Variants in CTNND2 observed in about 807,000 individuals in gnomAD.
The protein encoded by CTNND2 is catenin delta-2.
In CTNND2, 22 loss-of-function variants were observed where a neutral mutation model predicts 144.4. The observed-to-expected ratio is 0.15, with a 90% CI of 0.11 to 0.22. CTNND2 has a LOEUF of 0.22. CTNND2 is among the 10% of genes least tolerant of loss of function. The pLI, the probability that CTNND2 is intolerant of heterozygous loss-of-function variation, is 1.00. For missense variants in CTNND2, 1,353 were observed against 1,618.8 expected (o/e 0.84, Z 2.82); for synonymous variants, 751 against 695.6 (o/e 1.08, Z -1.25).
intron 2 of CTNND2, among the ~76,000 whole-genome samples, chr5:11,626,904 C>T (rs1431892214): frequency 1.3e-5 from 2 of 152,084 alleles, no homozygotes; most frequent in Non-Finnish European, 2.9e-5. Flanking sequence ...CCAAATTGTT[C>T]TTATTTCTTC....
intron 1 of CTNND2, among the ~76,000 whole-genome samples, chr5:11,817,988 T>TC (rs1793089454): frequency 1.8e-5 from 1 of 54,166 alleles, no homozygotes; most frequent in South Asian, 1.2e-3. Flanking sequence ...GGTGTTTTTT[T>TC]TTTTTTTTTT....
chr5:11,649,674 T>TG (rs1369175809), intron 2 of CTNND2, among the ~76,000 whole-genome samples: 2 of 152,176 alleles, frequency 1.3e-5, no homozygotes, highest in Admixed American at 6.5e-5. Context: ...CAGACAAATT[T>TG]GGGGGGAACT....
chr5:11,540,697 A>G (rs925971630), intron 3 of CTNND2, among the ~76,000 whole-genome samples: 2 of 152,038 alleles, frequency 1.3e-5, no homozygotes, highest in African/African-American at 4.8e-5. Context: ...TTCAGTACAG[A>G]TGGGGTTTCA....
intron 9 of CTNND2, among the ~76,000 whole-genome samples, chr5:11,237,828 T>G (rs976304986): frequency 6.6e-6 from 1 of 152,216 alleles, no homozygotes; most frequent in African/African-American, 2.4e-5. Flanking sequence ...ATTATTATTT[T>G]TATTACTGTT....
chr5:11,644,131 A>T (rs1475931222), intron 2 of CTNND2, among the ~76,000 whole-genome samples: 1 of 152,148 alleles, frequency 6.6e-6, no homozygotes, highest in Non-Finnish European at 1.5e-5. Context: ...TCTTCTCCAC[A>T]GTGGGAGAGT....
intron 1 of CTNND2, among the ~76,000 whole-genome samples, chr5:11,894,670 C>T (rs1049580688): frequency 1.3e-5 from 2 of 152,150 alleles, no homozygotes; most frequent in East Asian, 3.9e-4. Flanking sequence ...TAAATTATCA[C>T]AGCACATTCA....
chr5:11,767,211 T>C (rs1789646475), intron 1 of CTNND2, among the ~76,000 whole-genome samples: 1 of 152,206 alleles, frequency 6.6e-6, no homozygotes, highest in African/African-American at 2.4e-5. Flanking sequence ...TCTCCTAGAA[T>C]TGAGTAATGT....
At chr5:11,081,389 C>T (rs1458216238) in intron 16 of CTNND2, among the ~76,000 whole-genome samples, 1 of 152,210 alleles carries the variant, frequency 6.6e-6, no homozygotes, top group Non-Finnish European at 1.5e-5. Context: ...AATCAGTTCA[C>T]ATTGTATGCA....
At chr5:11,013,547 A>G (rs1394672704) in intron 18 of CTNND2, among the ~76,000 whole-genome samples, 1 of 152,222 alleles carries the variant, frequency 6.6e-6, no homozygotes, top group African/African-American at 2.4e-5. Flanking sequence ...CAGGAAGGCT[A>G]TTGCAGAGAA....
At chr5:11,440,332 C>G (rs1302627569) in intron 3 of CTNND2, among the ~76,000 whole-genome samples, 2 of 152,166 alleles carry the variant, frequency 1.3e-5, no homozygotes, top group Non-Finnish European at 2.9e-5. Context: ...TGCTTTAATT[C>G]TCCTCAAGTT....
chr5:11,329,077 C>A (rs1752819463), intron 9 of CTNND2, among the ~76,000 whole-genome samples: 1 of 152,186 alleles, frequency 6.6e-6, no homozygotes, highest in Non-Finnish European at 1.5e-5. Flanking sequence ...ACATCTCTGA[C>A]ACCTCTTCCT....
chr5:11,872,430 C>A (rs1735210807), intron 1 of CTNND2, among the ~76,000 whole-genome samples: 1 of 152,154 alleles, frequency 6.6e-6, no homozygotes, highest in Non-Finnish European at 1.5e-5. Flanking sequence ...AATGGTATTT[C>A]TGCTTCTAGA....
chr5:11,887,119 G>T (rs2127088164), intron 1 of CTNND2, among the ~76,000 whole-genome samples: 1 of 151,728 alleles, frequency 6.6e-6, no homozygotes, highest in African/African-American at 2.4e-5. Flanking sequence ...CGGCAGCTGG[G>T]ACTACAGGCG....
chr5:11,371,927 T>C (rs934920633), intron 7 of CTNND2, among the ~76,000 whole-genome samples: 2 of 152,208 alleles, frequency 1.3e-5, no homozygotes, highest in Non-Finnish European at 2.9e-5. Context: ...GATCTTATTA[T>C]AAATCTATTT....
chr5:11,052,692 T>C (rs566621412), intron 16 of CTNND2, among the ~76,000 whole-genome samples: 1 of 152,096 alleles, frequency 6.6e-6, no homozygotes, highest in Non-Finnish European at 1.5e-5. Context: ...CTTACCACAG[T>C]AAGAAATAAA....
intron 9 of CTNND2, among the ~76,000 whole-genome samples, chr5:11,241,564 A>G (rs1389448280): frequency 6.6e-6 from 1 of 152,186 alleles, no homozygotes; most frequent in African/African-American, 2.4e-5. Flanking sequence ...AGAAAAGACT[A>G]ATCTTTTCAA....
intron 12 of CTNND2, among the ~76,000 whole-genome samples, chr5:11,158,455 T>C (rs1040767228): frequency 1.3e-5 from 2 of 152,204 alleles, no homozygotes; most frequent in African/African-American, 4.8e-5. Flanking sequence ...CAGATGTTCA[T>C]GATTTCGTGA....
chr5:11,367,832 A>C (rs776579384), intron 7 of CTNND2, among the ~76,000 whole-genome samples: 22 of 152,202 alleles, frequency 1.4e-4, no homozygotes, highest in Non-Finnish European at 2.4e-4. Context: ...CACAGACCAG[A>C]CCAACTTTCC....
intron 2 of CTNND2, among the ~76,000 whole-genome samples, chr5:11,610,144 A>C (rs1561617415): frequency 6.6e-6 from 1 of 152,170 alleles, no homozygotes; most frequent in Non-Finnish European, 1.5e-5. Flanking sequence ...GCACAGATCA[A>C]AGCCGCTTGG....
Sources: allele counts gnomAD v4.1 joint callset (sites outside exome capture counted in the v4.1 genomes callset), GRCh38; gene constraint gnomAD v4.1.1; transcripts MANE v1.5; gene names NCBI Gene and HGNC (gene_info 2026-07-23, HGNC 2026-07-21).